The following GNAI2 variants were observed in gnomAD, a reference collection of about 807,000 sequenced individuals.
GNAI2 encodes G protein subunit alpha i2, also known as guanine nucleotide-binding protein G(i) subunit alpha-2.
Under a neutral mutation model 36.8 loss-of-function variants are expected in GNAI2, and 4 were observed. That is an observed-to-expected ratio of 0.11 (90% CI 0.05 to 0.25). The LOEUF (loss-of-function observed/expected upper bound fraction) is 0.25, where lower values mean the gene tolerates loss of function less well. GNAI2 is among the 10% of genes least tolerant of loss of function. GNAI2 has a pLI of 1.00. For missense variants in GNAI2, 230 were observed against 481.3 expected (o/e 0.48, Z 4.89); for synonymous variants, 194 against 194.1 (o/e 1.00, Z 0.01).
rs587671535 is a variant in GNAI2, at chr3:50,241,478, G to A, written c.118+5025G>A. ...GGCTCAGCCCCTGCCTCTCACGCCA[G>A]TGTCAGTGCAGCCAACATGAGGTCA... On this transcript the variant is annotated intron_variant, in intron 1 of 8. Coordinates refer to ENST00000313601, the MANE Select transcript of GNAI2 (RefSeq NM_002070.4). The surrounding 1 kb of genome is among the most constrained non-coding windows in gnomAD (Gnocchi z 5.0). Among the ~76,000 whole-genome samples the A allele has an allele frequency of 4.5e-4, 69 of 152,346 alleles. No homozygotes were observed. The highest frequency in any genetic ancestry group is 8.2e-4 in the Non-Finnish European group (56 of 68,028).
intron 1 of GNAI2, 109 bp from the exon 2 acceptor site, chr3:50,251,991 G>C: frequency 9.1e-7 from 1 of 1,103,708 alleles, no homozygotes; most frequent in South Asian, 1.4e-5. Context: ...CGGTGCAGCT[G>C]GTGGGAAGGT....
upstream of GNAI2, among the ~76,000 whole-genome samples, chr3:50,233,574 T>G (rs1553699994): frequency 1.3e-5 from 2 of 152,224 alleles, no homozygotes; most frequent in Non-Finnish European, 2.9e-5. Context: ...TTGTAGAGTG[T>G]GTTCTGTGGA....
rs1700180512 is a variant in GNAI2 at position 50,236,744 on chromosome 3, T to G, written c.118+291T>G. ...TGGCCATCCCCCCTTGCTAACTAGC[T>G]TCACAGAACTTCAGAGCCCCGCCAT... On this transcript the variant is annotated intron_variant, in intron 1 of 8. Transcript: ENST00000313601. The surrounding 1 kb of genome is among the most constrained non-coding windows in gnomAD (Gnocchi z 4.0). 6.6e-6 allele frequency among the ~76,000 whole-genome samples: 1 copy of G among 151,538 alleles called. No homozygotes were observed. The highest frequency in any genetic ancestry group is 2.1e-4 in the South Asian group (1 of 4,816).
intron 1 of GNAI2, among the ~76,000 whole-genome samples, chr3:50,245,591 C>T (rs1474508577): frequency 6.6e-6 from 1 of 152,224 alleles, no homozygotes; most frequent in Non-Finnish European, 1.5e-5. Flanking sequence ...CCAAATGGCC[C>T]AGCTCCGCGT....
At chr3:50,257,121 A>G in intron 7 of GNAI2, 31 bp downstream of exon 7, 1 of 1,601,866 alleles carries the variant, frequency 6.2e-7, no homozygotes, top group Non-Finnish European at 8.5e-7. Context: ...GGGCCTCCAG[A>G]GGGTTGCTTC....
chr3:50,236,204 A>G lies in GNAI2; in HGVS notation c.-132A>G. 8.5e-7 allele frequency: 1 copy of G among 1,179,706 alleles called. No individual in the cohort carries two copies. The highest frequency in any genetic ancestry group is 1.6e-5 in the African/African-American group (1 of 62,262). The allele number at this position is 1,179,706 out of a possible 1,614,324, so 73.1% of individuals were successfully genotyped here. On this transcript the variant is annotated 5_prime_UTR_variant, in exon 1 of 9. Coordinates refer to ENST00000313601, the MANE Select transcript of GNAI2 (RefSeq NM_002070.4). The surrounding 1 kb of genome is among the most constrained non-coding windows in gnomAD (Gnocchi z 4.0). ...CGGCGGTAGGGAAGGCGCCTCCCGC[A>G]GTCGCTCGGAACTGCCGACCCGAGT...
intron 1 of GNAI2, among the ~76,000 whole-genome samples, chr3:50,240,445 A>G (rs1224122408): frequency 6.6e-6 from 1 of 152,182 alleles, no homozygotes; most frequent in Admixed American, 6.5e-5. Flanking sequence ...GGACCAGCCC[A>G]TGGGGTCATC....
chr3:50,236,132 C>T (rs1700159521), upstream of GNAI2: 6 of 1,104,192 alleles, frequency 5.4e-6, no homozygotes, highest in South Asian at 2.7e-4. The surrounding 1 kb of genome is among the most constrained non-coding windows in gnomAD (Gnocchi z 4.0). Context: ...CAGTCACAGG[C>T]TTGGTTCGCC....
rs1221548132 is a variant in GNAI2, at chr3:50,255,141, C to G, written c.465-1051C>G. On this transcript the variant is annotated intron_variant, in intron 4 of 8. Transcript: ENST00000313601. This position sits in a 1 kb window ranked among gnomAD's most constrained non-coding sequence, Gnocchi z 4.0. ...TACTCTGAGATCATTTCCCTCTGGC[C>G]TGGTTTGGCCTGGGTGCTGGTGGGA... is the stretch of plus-strand genomic sequence containing the variant. Among the ~76,000 whole-genome samples, 1 of 152,212 alleles carries G rather than the reference C, an allele frequency of 6.6e-6. No homozygotes were observed. Among genetic ancestry groups the G allele is most frequent in the Non-Finnish European group, 1.5e-5 (1 of 68,042 alleles).
intron 1 of GNAI2, among the ~76,000 whole-genome samples, chr3:50,247,702 A>G: frequency 6.6e-6 from 1 of 152,242 alleles, no homozygotes; most frequent in East Asian, 1.9e-4. Context: ...CACTATGATT[A>G]CTGCCTACCT....
At position 50,236,288 on chromosome 3, in the gene GNAI2, C is replaced by G; in HGVS notation, c.-48C>G. On this transcript the variant is annotated 5_prime_UTR_variant, in exon 1 of 9. Coordinates refer to ENST00000313601, the MANE Select transcript of GNAI2 (RefSeq NM_002070.4). This position sits in a 1 kb window ranked among gnomAD's most constrained non-coding sequence, Gnocchi z 4.0. Reference sequence around the variant, plus strand: ...TGGGTCGGGCGGGGCCGAGCCGGGCCGTGGGCCGTGTGGGGGCCGGGCGGC... The same window carrying G: ...TGGGTCGGGCGGGGCCGAGCCGGGCGGTGGGCCGTGTGGGGGCCGGGCGGC... 7.7e-7 allele frequency: 1 copy of G among 1,300,462 alleles called. No homozygotes were observed. Among genetic ancestry groups the G allele is most frequent in the Non-Finnish European group, 9.7e-7 (1 of 1,026,144 alleles). 80.6% of individuals were successfully genotyped at this position (1,300,462 alleles called of 1,614,324 possible).
rs587759725 is a variant in GNAI2 at position 50,255,501 on chromosome 3, C to T, written c.465-691C>T. 1.8e-4 allele frequency among the ~76,000 whole-genome samples: 28 copies of T among 152,336 alleles called. 1 individual carries two copies. In the South Asian group the frequency reaches 5.6e-3, roughly 30 times the overall value. On this transcript the variant is annotated intron_variant, in intron 4 of 8. Transcript: ENST00000313601. The surrounding 1 kb of genome is among the most constrained non-coding windows in gnomAD (Gnocchi z 4.0). ...TGCTCTGCGGCTAATGCCGTAATTGCGCCCATTAGCATCCTGAATCCTTCA... is the reference window on the plus strand; with the variant it reads ...TGCTCTGCGGCTAATGCCGTAATTGTGCCCATTAGCATCCTGAATCCTTCA...
intron 1 of GNAI2, 125 bp from the exon 2 acceptor site, chr3:50,251,975 A>G (rs1423393939): frequency 2.4e-5 from 24 of 994,688 alleles, no homozygotes; most frequent in Non-Finnish European, 3.5e-5. Context: ...AGCTGCCTCC[A>G]TCTCACGGTG....
In GNAI2 at chr3:50,256,176, C is replaced by A. The variant is rs1416193737; in HGVS notation, c.465-16C>A. ...CCATGCTGGCCCCCACTGACCCTCC[C>A]ACCCCCCATCCCCAGCTACCTGAAC... is the stretch of plus-strand genomic sequence containing the variant. On this transcript the variant is annotated splice_polypyrimidine_tract_variant and intron_variant, in intron 4 of 8. Coordinates refer to ENST00000313601, the MANE Select transcript of GNAI2 (RefSeq NM_002070.4). 2 of 1,399,390 alleles carry A rather than the reference C, an allele frequency of 1.4e-6. No homozygotes were observed. Among genetic ancestry groups the A allele is most frequent in the South Asian group, 2.3e-5 (2 of 85,710 alleles). The allele number at this position is 1,399,390 out of a possible 1,614,324, so 86.7% of individuals were successfully genotyped here. A position where few individuals can be genotyped will look rare whatever the true frequency, so the allele number is the denominator to read the frequency against.
At chr3:50,235,501 G>A (rs1700143193), upstream of GNAI2, among the ~76,000 whole-genome samples, 2 of 152,090 alleles carry the variant, frequency 1.3e-5, no homozygotes, top group African/African-American at 4.8e-5. Context: ...TGTATTTTTA[G>A]TAGAGATGGG....
At chr3:50,254,700 G>A (rs1381363266) in intron 4 of GNAI2, among the ~76,000 whole-genome samples, 4 of 152,340 alleles carry the variant, frequency 2.6e-5, no homozygotes, top group Non-Finnish European at 5.9e-5. Context: ...AAAGGAAGCA[G>A]GAATAGAGCC....
At chr3:50,237,758 TG>T (rs1474935069) in intron 1 of GNAI2, among the ~76,000 whole-genome samples, 1 of 126,640 alleles carries the variant, frequency 7.9e-6, no homozygotes, top group East Asian at 2.7e-4. Context: ...AATTTTGATT[TG>T]GGGGTTTTAG....
At chr3:50,257,887 G>A (rs985797426) in intron 8 of GNAI2, 173 bp downstream of exon 8, 43 of 537,660 alleles carry the variant, frequency 8.0e-5, no homozygotes, top group African/African-American at 7.0e-4. Context: ...TCAAGTGAGT[G>A]AGGTGCAGGG....
rs2097247 is a variant in GNAI2 at position 50,253,470 on chromosome 3, C to T, written c.464+286C>T. Among the ~76,000 whole-genome samples, 12,409 of 152,146 alleles carry T rather than the reference C, an allele frequency of 0.082. 513 individuals are homozygous for T. Among genetic ancestry groups the T allele is most frequent in the South Asian group, 0.096 (464 of 4,820 alleles). ...CTTCTAAAGAACATTTGCGGCCGGG[C>T]GTGGTGGCTCACGCCTGTAATCCCA... On this transcript the variant is annotated intron_variant, in intron 4 of 8. Coordinates refer to ENST00000313601, the MANE Select transcript of GNAI2 (RefSeq NM_002070.4). This position sits in a 1 kb window ranked among gnomAD's most constrained non-coding sequence, Gnocchi z 4.2.
Sources: gnomAD v4.1 joint callset for allele counts (sites outside exome capture counted in the v4.1 genomes callset) on GRCh38, gnomAD v4.1.1 for gene constraint, Gnocchi (gnomAD v3.1) non-coding constraint, MANE v1.5 for transcripts, NCBI Gene and HGNC (gene_info 2026-07-23, HGNC 2026-07-21) for gene names.